AKNA: variants seen among roughly 807,000 people sequenced by gnomAD.
The protein encoded by AKNA is AT-hook transcription factor.
Under a neutral mutation model 138.8 loss-of-function variants are expected in AKNA, and 67 were observed. The observed-to-expected ratio is 0.48, with a 90% CI of 0.40 to 0.59. The LOEUF (loss-of-function observed/expected upper bound fraction) is 0.59, where lower values mean the gene tolerates loss of function less well. AKNA is among the 20% of genes least tolerant of loss of function. AKNA has a pLI of 0.00. For missense variants in AKNA, 1,813 were observed against 1,880.4 expected (o/e 0.96, Z 0.66); for synonymous variants, 737 against 754.4 (o/e 0.98, Z 0.38).
At chr9:114,368,015 C>T (rs1046872034) in intron 5 of AKNA, among the ~76,000 whole-genome samples, 5 of 152,252 alleles carry the variant, frequency 3.3e-5, no homozygotes, top group African/African-American at 1.2e-4. Flanking sequence ...CCCTCCATAG[C>T]TGTATGAACT....
chr9:114,357,641 A>G (rs987264023), intron 12 of AKNA, among the ~76,000 whole-genome samples: 2 of 152,224 alleles, frequency 1.3e-5, no homozygotes, highest in African/African-American at 4.8e-5. Context: ...TCTAAAGAGC[A>G]TAGAACTAGT....
chr9:114,359,463 C>T, intron 11 of AKNA, 131 bp downstream of exon 11: 1 of 1,539,458 alleles, frequency 6.5e-7, no homozygotes, highest in Non-Finnish European at 8.7e-7. Context: ...GTATACATTC[C>T]ACACTTGAAG....
chr9:114,335,892 C>T lies in AKNA; in HGVS notation c.*1162G>A. 6.6e-6 allele frequency: 1 copy of T among 152,220 alleles called. No homozygotes were observed. The highest frequency in any genetic ancestry group is 1.9e-4 in the East Asian group (1 of 5,204). The allele number at this position is 152,220 out of a possible 1,614,324, so 9.4% of individuals were successfully genotyped here. A position where few individuals can be genotyped will look rare whatever the true frequency, so the allele number is the denominator to read the frequency against. On this transcript the variant is annotated 3_prime_UTR_variant, in exon 22 of 22. Coordinates refer to ENST00000374088, the MANE Select transcript of AKNA (RefSeq NM_001317950.2). ...CTGTGTGCCTCATTTACATCTCTGG[C>T]CTCAGTCAAAAGGGACTTGGCTAGG...
chr9:114,350,032 C>A (rs1830994687), intron 15 of AKNA, among the ~76,000 whole-genome samples: 1 of 152,226 alleles, frequency 6.6e-6, no homozygotes, highest in Admixed American at 6.5e-5. Flanking sequence ...GAGGGCACTA[C>A]TGCCTGTTTC....
At chr9:114,340,974 G>C (rs1036915050) in intron 21 of AKNA, among the ~76,000 whole-genome samples, 3 of 152,138 alleles carry the variant, frequency 2.0e-5, no homozygotes, top group African/African-American at 7.2e-5. Flanking sequence ...CGGCCTGAAG[G>C]AACTACGAAC....
At chr9:114,332,316 T>C (rs1177809048), downstream of AKNA, among the ~76,000 whole-genome samples, 1 of 152,158 alleles carries the variant, frequency 6.6e-6, no homozygotes, top group Non-Finnish European at 1.5e-5. Flanking sequence ...GGGGAATTGA[T>C]ACTGTGGTTT....
rs139755326 is a variant in AKNA at position 114,350,943 on chromosome 9, G to T, written c.3137C>A (p.Pro1046Gln). Residue 1046 changes from proline (P) to glutamine (Q), a missense_variant, in exon 15 of 22, where the codon CCA becomes CAA. Transcript: ENST00000374088. ...PLPNKTISPP[P>Q]APAPAAAPLP... ...AGGCGCAGCGGCAGGGGCGGGGGCT[G>T]GGGGTGGGCTGATTGTCTTGTTGGG... 1 of 1,612,710 alleles carries T rather than the reference G, an allele frequency of 6.2e-7. No homozygotes were observed. Among genetic ancestry groups the T allele is most frequent in the Admixed American group, 1.7e-5 (1 of 59,960 alleles).
chr9:114,368,590 G>T lies in AKNA; in HGVS notation c.1422C>A (p.Asn474Lys), dbSNP rs763309052. 4.3e-6 allele frequency: 6 copies of T among 1,381,934 alleles called. No homozygotes were observed. In the South Asian group the frequency reaches 8.1e-5, roughly 19 times the overall value. 85.6% of individuals were successfully genotyped at this position (1,381,934 alleles called of 1,614,324 possible). A position where few individuals can be genotyped will look rare whatever the true frequency, so the allele number is the denominator to read the frequency against. The change falls in exon 5 of 22, where the codon AAC (asparagine) becomes AAA (lysine). Residue 474 changes from asparagine to lysine, a missense_variant. Transcript: ENST00000374088. ...IDQLRLGAKV[N>K]LFSDPPQPNH... ...TGGGCTGGGGTGGGTCAGAGAACAG[G>T]TTCACCTGTGGAAGCAGGGAGGCAC...
intron 1 of AKNA, among the ~76,000 whole-genome samples, chr9:114,384,279 A>G (rs1010101227): frequency 1.3e-4 from 20 of 152,204 alleles, no homozygotes; most frequent in Non-Finnish European, 2.9e-5. Flanking sequence ...AAAAGATGCA[A>G]TCGAAAATGG....
intron 4 of AKNA, among the ~76,000 whole-genome samples, chr9:114,373,279 C>T (rs1045496211): frequency 1.2e-4 from 19 of 152,112 alleles, no homozygotes; most frequent in African/African-American, 4.3e-4. Context: ...CAGCCTCCTC[C>T]GAAGACGGGG....
rs559412651 is a variant in AKNA at position 114,346,413 on chromosome 9, T to C, written c.3514+256A>G. Among the ~76,000 whole-genome samples, 3 of 152,320 alleles carry C rather than the reference T, an allele frequency of 2.0e-5. No homozygotes were observed. In the South Asian group the frequency reaches 6.2e-4, roughly 32 times the overall value. On this transcript the variant is annotated intron_variant, in intron 17 of 21. Coordinates refer to ENST00000374088, the MANE Select transcript of AKNA (RefSeq NM_001317950.2). ...GGCTTCAGCGCCCTTATCTGTGAAA[T>C]GTGGATAATATGACCATCTTGCAGT... is the stretch of plus-strand genomic sequence containing the variant.
At chr9:114,362,977 A>C (rs1251101586) in intron 7 of AKNA, among the ~76,000 whole-genome samples, 1 of 152,242 alleles carries the variant, frequency 6.6e-6, no homozygotes, top group African/African-American at 2.4e-5. Context: ...ATCCTTATAG[A>C]CTATCGACAC....
At chr9:114,384,381 G>C (rs1478952417) in intron 1 of AKNA, among the ~76,000 whole-genome samples, 1 of 152,058 alleles carries the variant, frequency 6.6e-6, no homozygotes, top group Non-Finnish European at 1.5e-5. Flanking sequence ...GACCAGCTTG[G>C]GCAACGTGGC....
chr9:114,361,829 C>T lies in AKNA; in HGVS notation c.1999G>A (p.Glu667Lys), dbSNP rs774695711. The change falls in exon 9 of 22, where the codon GAG (glutamate) becomes AAG (lysine). Residue 667 changes from glutamate (E) to lysine (K), a missense_variant. Physicochemically the swap from Glu to Lys is moderately conservative, Grantham distance 56. Coordinates refer to ENST00000374088, the MANE Select transcript of AKNA (RefSeq NM_001317950.2). ...AGAGCTGAGTCTGACCCGGGCGGCT[C>T]AGGCTCTTGCTGGGTCTGGTCTATG... is the stretch of plus-strand genomic sequence containing the variant. ...EHIDQTQQEP[E>K]PPGSDSALDS... 1.9e-6 allele frequency: 3 copies of T among 1,613,082 alleles called. No homozygotes were observed. The highest frequency in any genetic ancestry group is 2.2e-5 in the South Asian group (2 of 91,078).
chr9:114,358,773 T>C lies in AKNA; in HGVS notation c.2493-606A>G, dbSNP rs553728925. Among the ~76,000 whole-genome samples, 34 of 140,508 alleles carry C rather than the reference T, an allele frequency of 2.4e-4. 1 individual carries two copies. The highest frequency in any genetic ancestry group is 4.0e-3 in the Middle Eastern group (1 of 250). The allele number at this position is 140,508 out of a possible 152,430, so 92.2% of individuals were successfully genotyped here. ...GCATGTTCTTACTCATAGGTGGCAA[T>C]TGAACAATGAAAACAAATGGACACA... On this transcript the variant is annotated intron_variant, in intron 11 of 21. Coordinates refer to ENST00000374088, the MANE Select transcript of AKNA (RefSeq NM_001317950.2).
intron 1 of AKNA, chr9:114,383,087 T>C: frequency 2.2e-6 from 1 of 455,218 alleles, no homozygotes; most frequent in Non-Finnish European, 4.4e-6. Flanking sequence ...TGGGAGTGGT[T>C]TCGCCGCCGA....
chr9:114,347,333 C>A (rs960584615), intron 16 of AKNA, among the ~76,000 whole-genome samples: 33 of 152,236 alleles, frequency 2.2e-4, no homozygotes, highest in African/African-American at 7.5e-4. Context: ...AATTCTCCTG[C>A]CTCAGCCTCC....
chr9:114,389,116 A>G (rs896772988), upstream of AKNA, among the ~76,000 whole-genome samples: 3 of 152,210 alleles, frequency 2.0e-5, no homozygotes, highest in African/African-American at 7.2e-5. Flanking sequence ...GCAAGCCACA[A>G]GAAGGTTTGG....
intron 15 of AKNA, among the ~76,000 whole-genome samples, chr9:114,350,210 G>A (rs1000580030): frequency 5.3e-5 from 8 of 152,162 alleles, no homozygotes; most frequent in African/African-American, 1.9e-4. Flanking sequence ...AGACAAGGAA[G>A]CCAAACACCA....
Sources: gnomAD v4.1 joint callset for allele counts (sites outside exome capture counted in the v4.1 genomes callset) on GRCh38, gnomAD v4.1.1 for gene constraint, MANE v1.5 for transcripts, NCBI Gene and HGNC (gene_info 2026-07-23, HGNC 2026-07-21) for gene names.